The following SOX5 variants were observed in gnomAD, a reference collection of about 807,000 sequenced individuals.
SOX5 encodes transcription factor SOX-5.
Under a neutral mutation model 92.0 loss-of-function variants are expected in SOX5, and 9 were observed. That is an observed-to-expected ratio of 0.10 (90% CI 0.06 to 0.17). SOX5 has a LOEUF of 0.17. Ranked by LOEUF, SOX5 falls within the 10% of genes least tolerant of loss-of-function variation. The probability of loss-of-function intolerance (pLI) is 1.00; values close to 1 mark genes in which losing one functional copy is unlikely to be tolerated. For synonymous variants in SOX5, 344 were observed against 336.3 expected (o/e 1.02, Z -0.25); for missense variants, 642 against 944.5 (o/e 0.68, Z 4.20).
chr12:23,695,757 C>T (rs903009661), intron 6 of SOX5, among the ~76,000 whole-genome samples: 8 of 151,634 alleles, frequency 5.3e-5, no homozygotes, highest in Non-Finnish European at 1.0e-4. Context: ...CTGGCTAACA[C>T]GGTGAAACCC....
chr12:23,783,805 C>G (rs1337759886), intron 3 of SOX5, among the ~76,000 whole-genome samples: 1 of 152,096 alleles, frequency 6.6e-6, no homozygotes, highest in Non-Finnish European at 1.5e-5. Context: ...AAGAGGCCAC[C>G]ACTAAAGCGC....
chr12:24,446,505 T>C (rs929782831), intron 1 of SOX5, among the ~76,000 whole-genome samples: 2 of 152,074 alleles, frequency 1.3e-5, no homozygotes, highest in Non-Finnish European at 2.9e-5. Context: ...GGGATGCAAA[T>C]CTTAAGAGAT....
intron 1 of SOX5, among the ~76,000 whole-genome samples, chr12:24,512,113 A>AAAATCTT (rs1266627690): frequency 6.6e-6 from 1 of 152,212 alleles, no homozygotes; most frequent in Admixed American, 6.5e-5. Context: ...TAATAAGAAA[A>AAAATCTT]AAATCTTAAA....
At chr12:23,595,332 A>C (rs573843067) in intron 9 of SOX5, among the ~76,000 whole-genome samples, 5 of 152,036 alleles carry the variant, frequency 3.3e-5, no homozygotes, top group Non-Finnish European at 5.9e-5. Flanking sequence ...TTCTTAAAAA[A>C]AAATTGTGGG....
intron 8 of SOX5, among the ~76,000 whole-genome samples, chr12:23,615,262 C>T (rs2076416939): frequency 6.6e-6 from 1 of 151,870 alleles, no homozygotes; most frequent in South Asian, 2.1e-4. Context: ...AATATGCATT[C>T]AGATCTTTTG....
intron 4 of SOX5, among the ~76,000 whole-genome samples, chr12:24,119,436 A>G (rs1459283007): frequency 1.3e-5 from 2 of 152,104 alleles, no homozygotes; most frequent in Admixed American, 6.6e-5. Context: ...TACTTTTCAC[A>G]TTTTGTAAAA....
At chr12:24,273,503 G>A (rs1944035303) in intron 3 of SOX5, among the ~76,000 whole-genome samples, 1 of 152,070 alleles carries the variant, frequency 6.6e-6, no homozygotes, top group East Asian at 1.9e-4. Flanking sequence ...CTTACCAGCT[G>A]TTTGATATCT....
At chr12:23,841,852 C>T (rs2096521181) in intron 3 of SOX5, among the ~76,000 whole-genome samples, 1 of 152,078 alleles carries the variant, frequency 6.6e-6, no homozygotes, top group Non-Finnish European at 1.5e-5. Context: ...CTACATGATA[C>T]TGTCAGTGGT....
At chr12:24,485,465 C>T (rs963875935) in intron 1 of SOX5, among the ~76,000 whole-genome samples, 5 of 152,118 alleles carry the variant, frequency 3.3e-5, no homozygotes, top group South Asian at 2.1e-4. Flanking sequence ...TAGTGATGTA[C>T]GGGAAAATGA....
At chr12:23,941,960 G>A (rs1371000407) in intron 1 of SOX5, among the ~76,000 whole-genome samples, 1 of 151,026 alleles carries the variant, frequency 6.6e-6, no homozygotes, top group Non-Finnish European at 1.5e-5. Context: ...AATGACAAAG[G>A]GACCTCAGGA....
intron 4 of SOX5, among the ~76,000 whole-genome samples, chr12:24,068,416 A>G (rs1941146755): frequency 6.6e-6 from 1 of 152,062 alleles, no homozygotes; most frequent in Non-Finnish European, 1.5e-5. Context: ...AAAGAATTTT[A>G]GGAAAGAAAC....
intron 7 of SOX5, among the ~76,000 whole-genome samples, chr12:23,659,198 T>C (rs2082704050): frequency 6.6e-6 from 1 of 152,150 alleles, no homozygotes; most frequent in Non-Finnish European, 1.5e-5. Flanking sequence ...AGAGATATAA[T>C]GGAACCCACA....
chr12:23,808,249 C>G (rs1377955272), intron 3 of SOX5, among the ~76,000 whole-genome samples: 1 of 151,962 alleles, frequency 6.6e-6, no homozygotes, highest in Non-Finnish European at 1.5e-5. Flanking sequence ...TTTCTACCAC[C>G]TTTTCAATGA....
intron 4 of SOX5, among the ~76,000 whole-genome samples, chr12:24,074,630 C>CAAAAAAAAAAAAAAAAAAAAAA (rs76320418): frequency 3.9e-5 from 2 of 51,274 alleles, no homozygotes; most frequent in East Asian, 6.9e-4. Context: ...TGTAAACTAC[C>CAAAAAAAAAAAAAAAAAAAAAA]AAAAAAAAAA....
chr12:23,775,060 T>C (rs951277042), intron 3 of SOX5, among the ~76,000 whole-genome samples: 1 of 152,144 alleles, frequency 6.6e-6, no homozygotes, highest in Non-Finnish European at 1.5e-5. Flanking sequence ...TAACAAATGA[T>C]AAAAATTACA....
intron 1 of SOX5, among the ~76,000 whole-genome samples, chr12:23,916,692 T>C (rs2097420952): frequency 6.6e-6 from 1 of 152,208 alleles, no homozygotes; most frequent in African/African-American, 2.4e-5. Context: ...AAATGTATTT[T>C]ATAATAAATA....
intron 4 of SOX5, among the ~76,000 whole-genome samples, chr12:24,061,955 T>A (rs1336101847): frequency 2.6e-5 from 4 of 152,136 alleles, no homozygotes; most frequent in African/African-American, 9.7e-5. Flanking sequence ...GAATGAGAGT[T>A]TTGTTCTTGT....
At chr12:24,191,248 A>G (rs1293593092) in intron 4 of SOX5, among the ~76,000 whole-genome samples, 3 of 152,228 alleles carry the variant, frequency 2.0e-5, no homozygotes, top group Non-Finnish European at 1.5e-5. Context: ...TCATAGTTCT[A>G]GCAGCCAGGA....
intron 6 of SOX5, among the ~76,000 whole-genome samples, chr12:23,675,936 A>G (rs1021377211): frequency 1.3e-5 from 2 of 152,172 alleles, no homozygotes; most frequent in Non-Finnish European, 2.9e-5. Context: ...CAAAGCTACA[A>G]TGAAATACCA....
Sources: allele counts gnomAD v4.1 joint callset (sites outside exome capture counted in the v4.1 genomes callset), GRCh38; gene constraint gnomAD v4.1.1; transcripts MANE v1.5; gene names NCBI Gene and HGNC (gene_info 2026-07-23, HGNC 2026-07-21).